GALNT13: variants seen among roughly 807,000 people sequenced by gnomAD.
The protein encoded by GALNT13 is polypeptide N-acetylgalactosaminyltransferase 13.
A neutral mutation model predicts 64.2 loss-of-function variants in GALNT13; 28 were observed. The observed-to-expected ratio is 0.44, with a 90% CI of 0.32 to 0.60. GALNT13 has a LOEUF of 0.60. Ranked by LOEUF, GALNT13 falls within the 20% of genes least tolerant of loss-of-function variation. The pLI, the probability that GALNT13 is intolerant of heterozygous loss-of-function variation, is 0.05. For synonymous variants in GALNT13, 214 were observed against 224.6 expected (o/e 0.95, Z 0.42); for missense variants, 577 against 669.8 (o/e 0.86, Z 1.53).
intron 12 of GALNT13, among the ~76,000 whole-genome samples, chr2:154,449,426 CAA>C (rs201483247): frequency 0.011 from 1,182 of 105,672 alleles, 17 homozygotes; most frequent in African/African-American, 0.036. Flanking sequence ...TATCATGAGC[CAA>C]AAAAAAAAAA....
At chr2:153,657,456 C>A in the GALNT13 span, among the ~76,000 whole-genome samples, 1 of 151,976 alleles carries the variant, frequency 6.6e-6, no homozygotes. Context: ...ATTTAATCTA[C>A]AATAATCTTA....
At chr2:153,700,961 T>C in the GALNT13 span, among the ~76,000 whole-genome samples, 1 of 152,140 alleles carries the variant, frequency 6.6e-6, no homozygotes, top group Non-Finnish European at 1.5e-5. Flanking sequence ...CAAACTGCCA[T>C]TGACATGCTT....
At chr2:154,145,100 C>CTATCTATCTATCTATCTATA (rs796615512) in intron 4 of GALNT13, among the ~76,000 whole-genome samples, 9 of 119,532 alleles carry the variant, frequency 7.5e-5, no homozygotes, top group Admixed American at 9.0e-5. Context: ...ATCTATCTAT[C>CTATCTATCTATCTATCTATA]TATATATATA....
At chr2:153,883,809 A>G (rs909463482) in intron 1 of GALNT13, among the ~76,000 whole-genome samples, 2 of 152,126 alleles carry the variant, frequency 1.3e-5, no homozygotes, top group Non-Finnish European at 2.9e-5. Flanking sequence ...AGGGAAAATA[A>G]CCATAGGACT....
chr2:153,242,812 G>A, the GALNT13 span, among the ~76,000 whole-genome samples: 1 of 152,134 alleles, frequency 6.6e-6, no homozygotes, highest in Non-Finnish European at 1.5e-5. Flanking sequence ...GGACTCCTGG[G>A]GAAAAACAGA....
the GALNT13 span, among the ~76,000 whole-genome samples, chr2:153,573,535 A>ATTAG: frequency 1.3e-5 from 2 of 151,916 alleles, no homozygotes; most frequent in South Asian, 4.1e-4. Context: ...CCTGTCATTC[A>ATTAG]TTAATGGAGA....
chr2:153,137,085 G>T, the GALNT13 span, among the ~76,000 whole-genome samples: 1 of 152,014 alleles, frequency 6.6e-6, no homozygotes, highest in African/African-American at 2.4e-5. Context: ...ATCTGGATGT[G>T]TTTATTTTAT....
At chr2:153,419,494 T>C in the GALNT13 span, among the ~76,000 whole-genome samples, 1 of 152,102 alleles carries the variant, frequency 6.6e-6, no homozygotes. Context: ...AATGGCAAAA[T>C]GATAGAGACA....
chr2:154,276,865 G>A (rs1211601351), intron 8 of GALNT13, among the ~76,000 whole-genome samples: 1 of 152,134 alleles, frequency 6.6e-6, no homozygotes, highest in African/African-American at 2.4e-5. Flanking sequence ...CTTTTGCTGG[G>A]TGCTTCTTGC....
At chr2:153,767,160 A>G in the GALNT13 span, among the ~76,000 whole-genome samples, 1 of 152,056 alleles carries the variant, frequency 6.6e-6, no homozygotes, top group Admixed American at 6.6e-5. Flanking sequence ...CTATCCATGT[A>G]TACCCATTGT....
chr2:153,579,895 T>C, the GALNT13 span, among the ~76,000 whole-genome samples: 1 of 152,138 alleles, frequency 6.6e-6, no homozygotes, highest in East Asian at 1.9e-4. Flanking sequence ...CACCCCCACC[T>C]TCTGTGGAAA....
the GALNT13 span, among the ~76,000 whole-genome samples, chr2:153,445,313 A>C: frequency 6.6e-6 from 1 of 152,210 alleles, no homozygotes; most frequent in South Asian, 2.1e-4. Context: ...GCCCCATGAG[A>C]TGCAGAAAAG....
chr2:153,964,248 A>C (rs2105103646), intron 3 of GALNT13, among the ~76,000 whole-genome samples: 1 of 152,330 alleles, frequency 6.6e-6, no homozygotes, highest in Non-Finnish European at 1.5e-5. Flanking sequence ...CAGGAGTTTG[A>C]GACCAACCTG....
At chr2:153,413,108 T>C in the GALNT13 span, among the ~76,000 whole-genome samples, 1 of 152,030 alleles carries the variant, frequency 6.6e-6, no homozygotes, top group Non-Finnish European at 1.5e-5. Context: ...GTTGGAAAGA[T>C]CAGGCTGTCT....
chr2:153,932,649 T>A lies in GALNT13; in HGVS notation c.-104-11745T>A, dbSNP rs1400000991. On this transcript the variant is annotated intron_variant, in intron 2 of 12. Transcript: ENST00000392825. Reference sequence around the variant, plus strand: ...TTCTTTTTTTTTTTTTTTTTTGAGATGGAGTCTCGCTCTTGTTGCCCAGCC... The same window carrying A: ...TTCTTTTTTTTTTTTTTTTTTGAGAAGGAGTCTCGCTCTTGTTGCCCAGCC... 2.3e-5 allele frequency among the ~76,000 whole-genome samples: 3 copies of A among 133,214 alleles called. No individual in the cohort carries two copies. The Admixed American group carries it at 2.4e-4, about 11-fold the overall frequency. The allele number at this position is 133,214 out of a possible 152,430, so 87.4% of individuals were successfully genotyped here.
chr2:154,313,747 C>T (rs1694183198), intron 9 of GALNT13, among the ~76,000 whole-genome samples: 1 of 152,102 alleles, frequency 6.6e-6, no homozygotes, highest in African/African-American at 2.4e-5. Context: ...GCCATCATGC[C>T]TGGACCTAGT....
chr2:154,090,354 T>C (rs1309127456), intron 3 of GALNT13, among the ~76,000 whole-genome samples: 1 of 152,118 alleles, frequency 6.6e-6, no homozygotes, highest in Non-Finnish European at 1.5e-5. Context: ...CAGATATGAA[T>C]TAATCAGCTT....
chr2:154,245,990 G>A lies in GALNT13; in HGVS notation c.857+8G>A. 6.3e-7 allele frequency: 1 copy of A among 1,598,074 alleles called. No homozygotes were observed. ...CAGAACATTACCTGTCAGGTATGTA[G>A]ATCATATCTCTTGAAGATTATGTAT... is the stretch of plus-strand genomic sequence containing the variant. On this transcript the variant is annotated splice_region_variant and intron_variant, in intron 7 of 12. Transcript: ENST00000392825.
At chr2:153,878,659 G>A (rs1334063397) in intron 1 of GALNT13, among the ~76,000 whole-genome samples, 2 of 152,120 alleles carry the variant, frequency 1.3e-5, no homozygotes, top group Non-Finnish European at 2.9e-5. Context: ...TGAATATTGG[G>A]CAATGACAAA....
Sources: gnomAD v4.1 joint callset for allele counts (sites outside exome capture counted in the v4.1 genomes callset) on GRCh38, gnomAD v4.1.1 for gene constraint, MANE v1.5 for transcripts, NCBI Gene and HGNC (gene_info 2026-07-23, HGNC 2026-07-21) for gene names.